The following SCN10A variants were observed in gnomAD, a reference collection of about 807,000 sequenced individuals.
SCN10A encodes the protein sodium channel protein type 10 subunit alpha.
Under a neutral mutation model 170.7 loss-of-function variants are expected in SCN10A, and 162 were observed. That is an observed-to-expected ratio of 0.95 (90% confidence interval 0.84 to 1.08). The LOEUF is 1.08. Among genes scored for constraint, SCN10A ranks in the 50% least tolerant of loss-of-function variants. The pLI is 0.00. For missense variants in SCN10A, 2,527 were observed against 2,436.9 expected (o/e 1.04, Z -0.78); for synonymous variants, 985 against 904.6 (o/e 1.09, Z -1.59).
In SCN10A at chr3:38,728,705, T is replaced by A; in HGVS notation, c.2477A>T (p.Asp826Val). The A allele has an allele frequency of 6.2e-7, 1 of 1,614,098 alleles. No homozygotes were observed. The highest frequency in any genetic ancestry group is 8.5e-7 in the Non-Finnish European group (1 of 1,180,020). Residue 826 changes from aspartate to valine, a missense_variant, in exon 16 of 28, where the codon GAC becomes GTC. Coordinates refer to ENST00000449082, the MANE Select transcript of SCN10A (RefSeq NM_006514.4). ...NRKNISAPHE[D>V]WPRWHMHDFF... ...GTCGTGCATGTGCCAGCGGGGCCAGTCTTCATGGGGCGCGGAGATATTTTT... is the reference window on the plus strand; with the variant it reads ...GTCGTGCATGTGCCAGCGGGGCCAGACTTCATGGGGCGCGGAGATATTTTT...
chr3:38,698,114 G>A lies in SCN10A; in HGVS notation c.5106C>T (p.Phe1702=). 6.2e-7 allele frequency: 1 copy of A among 1,614,070 alleles called. No individual in the cohort carries two copies. The highest frequency in any genetic ancestry group is 8.5e-7 in the Non-Finnish European group (1 of 1,179,964). The stretch of plus-strand genomic sequence containing the variant: ...GGAAGGAGATGATGATGTAGGTGGT[G>A]AAGAAGATGATGCCTACGGCTGGGC... ...CGSPAVGIIF[F]TTYIIISFLI... Residue 1702 remains phenylalanine (F), a synonymous_variant, in exon 28 of 28, where the codon TTC becomes TTT. Coordinates refer to ENST00000449082, the MANE Select transcript of SCN10A (RefSeq NM_006514.4).
At chr3:38,702,437 C>A (rs1230704795) in intron 26 of SCN10A, among the ~76,000 whole-genome samples, 2 of 152,222 alleles carry the variant, frequency 1.3e-5, no homozygotes, top group African/African-American at 2.4e-5. Flanking sequence ...CTTTTAAGCT[C>A]CACTTACTGC....
In SCN10A at chr3:38,793,964, A is replaced by G; in HGVS notation, c.47T>C (p.Phe16Ser). ...TATCTCCACCAGTGACTCCGGAGTA[A>G]AGCGACGGAAGTTGTTAGTTTCGAG... The part of the protein sequence containing the change: ...GSLETNNFRR[F>S]TPESLVEIEK... Residue 16 changes from phenylalanine (F) to serine (S), a missense_variant, in exon 2 of 28, where the codon TTT (phenylalanine) becomes TCT (serine). Phe to Ser is a radical substitution (Grantham distance 155). Transcript: ENST00000449082. 3.7e-6 allele frequency: 6 copies of G among 1,613,978 alleles called. No homozygotes were observed. Among genetic ancestry groups the G allele is most frequent in the Non-Finnish European group, 5.1e-6 (6 of 1,179,892 alleles).
intron 1 of SCN10A, among the ~76,000 whole-genome samples, chr3:38,799,825 G>GAA (rs2064361108): frequency 6.6e-6 from 1 of 152,008 alleles, no homozygotes; most frequent in Middle Eastern, 3.2e-3. Flanking sequence ...AGTGTGTCTT[G>GAA]CATCTCCTGA....
intron 5 of SCN10A, among the ~76,000 whole-genome samples, chr3:38,770,393 C>T (rs1440348135): frequency 6.6e-6 from 1 of 152,036 alleles, no homozygotes; most frequent in Non-Finnish European, 1.5e-5. Context: ...GTAGGTGAGT[C>T]TAGACTCAGA....
At chr3:38,760,780 T>G (rs746490599) in intron 7 of SCN10A, 33 bp from the exon 8 acceptor site, 2 of 1,572,578 alleles carry the variant, frequency 1.3e-6, no homozygotes, top group South Asian at 2.2e-5. Context: ...GCCTCACAGA[T>G]GGTTCTGAAC....
chr3:38,736,962 C>CTT lies in SCN10A; in HGVS notation c.2280+2552_2280+2553insAA, dbSNP rs2063567359. Among the ~76,000 whole-genome samples the CTT allele has an allele frequency of 6.0e-3, 416 of 69,224 alleles. 18 individuals carry two copies. The highest frequency in any genetic ancestry group is 0.02 in the African/African-American group (385 of 19,114). The allele number at this position is 69,224 out of a possible 152,430, so 45.4% of individuals were successfully genotyped here. ...CTTCCCCAAGTGTAGCAGAAATGTT[C>CTT]GTTTTTTTTTTTTTTTTTTTTTTTT... On this transcript the variant is annotated intron_variant, in intron 15 of 27. Coordinates refer to ENST00000449082, the MANE Select transcript of SCN10A (RefSeq NM_006514.4).
intron 15 of SCN10A, among the ~76,000 whole-genome samples, chr3:38,732,893 G>A (rs2063525586): frequency 6.6e-6 from 1 of 152,142 alleles, no homozygotes; most frequent in South Asian, 2.1e-4. Context: ...ACGATTTAGG[G>A]AACTGTACTG....
intron 21 of SCN10A, among the ~76,000 whole-genome samples, chr3:38,717,201 G>A (rs986093536): frequency 3.3e-5 from 5 of 152,152 alleles, no homozygotes; most frequent in African/African-American, 1.2e-4. Context: ...GGATGGAAGG[G>A]GAGGACTGAT....
rs368776882 is a variant in SCN10A at position 38,752,451 on chromosome 3, C to T, written c.1523G>A (p.Arg508Gln). The change falls in exon 12 of 28, where the codon CGG becomes CAG. Residue 508 changes from arginine to glutamine, a missense_variant. Coordinates refer to ENST00000449082, the MANE Select transcript of SCN10A (RefSeq NM_006514.4). ...RASHGSVFHF[R>Q]SPGRDISLPE... ...GAGTGAGATATCTCGGCCAGGGGAC[C>T]GGAAATGGAACACACTGCCATGACT... 71 of 1,612,280 alleles carry T rather than the reference C, an allele frequency of 4.4e-5. No individual in the cohort carries two copies. The highest frequency in any genetic ancestry group is 5.3e-5 in the Non-Finnish European group (63 of 1,179,318).
At chr3:38,814,564 C>T (rs1389612555) in intron 1 of SCN10A, among the ~76,000 whole-genome samples, 2 of 152,184 alleles carry the variant, frequency 1.3e-5, no homozygotes, top group Non-Finnish European at 2.9e-5. Flanking sequence ...CCCTTTACTA[C>T]CATTTACCAT....
chr3:38,762,962 A>G (rs188836606), intron 6 of SCN10A, among the ~76,000 whole-genome samples: 26 of 152,280 alleles, frequency 1.7e-4, no homozygotes, highest in African/African-American at 5.8e-4. Context: ...TCGCTGGGCT[A>G]CTGGTGACAG....
rs749045543 is a variant in SCN10A, at chr3:38,725,182, G to A, written c.3220C>T (p.Pro1074Ser). 3.1e-6 allele frequency: 5 copies of A among 1,592,036 alleles called. No individual in the cohort carries two copies. The highest frequency in any genetic ancestry group is 4.3e-6 in the Non-Finnish European group (5 of 1,163,494). Residue 1074 changes from proline (P) to serine (S), a missense_variant, in exon 18 of 28, where the codon CCT becomes TCT. By Grantham distance (74) the Pro-to-Ser change is moderately conservative. Transcript: ENST00000449082. Reference protein sequence around the residue: ...TWKDESVPQVPAEGVDDTSSS... With the variant: ...TWKDESVPQVSAEGVDDTSSS... ...GAAGCTGACATACCTACCTCAGCAG[G>A]GACCTGAGGAACAGACTCATCTTTC...
At chr3:38,707,231 T>A (rs2063219686) in intron 26 of SCN10A, 48 bp downstream of exon 26, 1 of 1,578,052 alleles carries the variant, frequency 6.3e-7, no homozygotes, top group Non-Finnish European at 8.7e-7. Context: ...TAGACTGTCA[T>A]GTTGGATTCA....
chr3:38,697,307 G>A lies in SCN10A; in HGVS notation c.*42C>T, dbSNP rs763850479. ...GGGAAAGAGTTAACACAGAGCAGAA[G>A]GACGCATCATAACTGAACATATCCA... is the stretch of plus-strand genomic sequence containing the variant. On this transcript the variant is annotated 3_prime_UTR_variant, in exon 28 of 28. Transcript: ENST00000449082. 2.7e-5 allele frequency: 43 copies of A among 1,598,714 alleles called. No homozygotes were observed. Among genetic ancestry groups the A allele is most frequent in the Non-Finnish European group, 3.6e-5 (42 of 1,170,834 alleles).
intron 8 of SCN10A, among the ~76,000 whole-genome samples, chr3:38,759,490 C>T (rs1021007131): frequency 3.3e-5 from 5 of 152,192 alleles, no homozygotes. Context: ...TCTTGCCTCA[C>T]ACCGCCACCT....
intron 5 of SCN10A, among the ~76,000 whole-genome samples, chr3:38,764,401 T>C (rs2063909840): frequency 6.6e-6 from 1 of 152,122 alleles, no homozygotes; most frequent in Admixed American, 6.5e-5. Flanking sequence ...CCAAAGTCCA[T>C]TATGTCATTG....
At chr3:38,791,866 T>C (rs2064285409) in intron 3 of SCN10A, among the ~76,000 whole-genome samples, 184 bp downstream of exon 3, 1 of 152,222 alleles carries the variant, frequency 6.6e-6, no homozygotes, top group African/African-American at 2.4e-5. Flanking sequence ...CTTCTGTGTC[T>C]TGGGACTGCT....
intron 26 of SCN10A, among the ~76,000 whole-genome samples, chr3:38,704,752 C>T (rs7428538): frequency 0.091 from 13,900 of 152,208 alleles, 809 homozygotes; most frequent in Admixed American, 0.12. Context: ...GTGTGTGAGG[C>T]TCCTATGTGG....
Sources: allele counts gnomAD v4.1 joint callset (sites outside exome capture counted in the v4.1 genomes callset), GRCh38; gene constraint gnomAD v4.1.1; transcripts MANE v1.5; gene names NCBI Gene and HGNC (gene_info 2026-07-23, HGNC 2026-07-21).